Variants in CDH23 observed in about 807,000 individuals in gnomAD.
CDH23 encodes the protein cadherin related 23, also known as cadherin-23.
In CDH23, 189 loss-of-function variants were observed where a neutral mutation model predicts 317.1. The observed-to-expected ratio is 0.60, with a 90% confidence interval of 0.53 to 0.67. The LOEUF (loss-of-function observed/expected upper bound fraction) is 0.67. Ranked by LOEUF, CDH23 falls within the 30% of genes least tolerant of loss-of-function variation. The probability of loss-of-function intolerance (pLI) is 0.00; values close to 1 mark genes in which losing one functional copy is unlikely to be tolerated. For missense variants in CDH23, 4,401 were observed against 4,592.4 expected, an observed-to-expected ratio of 0.96 and a Z score of 1.20; for synonymous variants, 1,839 against 1,876.8, an observed-to-expected ratio of 0.98 and a Z score of 0.52.
intron 3 of CDH23, among the ~76,000 whole-genome samples, chr10:71,459,015 G>A (rs1342610510): frequency 2.0e-5 from 3 of 151,058 alleles, no homozygotes; most frequent in Non-Finnish European, 4.4e-5. Context: ...TCTCGATCTC[G>A]ACCTTGTGAT....
chr10:71,545,837 C>T (rs1010742534), intron 6 of CDH23, among the ~76,000 whole-genome samples: 8 of 152,138 alleles, frequency 5.3e-5, no homozygotes, highest in Non-Finnish European at 1.0e-4. Flanking sequence ...GTGAAGCACG[C>T]ATTATCTTAG....
chr10:71,473,132 A>G (rs1041420034), intron 3 of CDH23, among the ~76,000 whole-genome samples: 4 of 152,276 alleles, frequency 2.6e-5, no homozygotes, highest in Admixed American at 6.5e-5. Flanking sequence ...TGGCAATAGC[A>G]CAGTCAAGGT....
At chr10:71,416,300 C>T (rs58290874) in intron 1 of CDH23, among the ~76,000 whole-genome samples, 1,730 of 152,306 alleles carry the variant, frequency 0.011, 31 homozygotes, top group African/African-American at 0.039. Context: ...GCTGGGATTA[C>T]AGGCATAAGC....
At chr10:71,515,008 C>T (rs1854206707) in intron 6 of CDH23, among the ~76,000 whole-genome samples, 1 of 152,222 alleles carries the variant, frequency 6.6e-6, no homozygotes, top group Admixed American at 6.5e-5. Context: ...CAGCACTGCC[C>T]CCTCCCTGCT....
intron 6 of CDH23, among the ~76,000 whole-genome samples, chr10:71,553,428 G>A (rs16929042): frequency 0.05 from 7,621 of 152,158 alleles, 401 homozygotes; most frequent in African/African-American, 0.13. Flanking sequence ...ACATCACACC[G>A]CCTGAAGGGC....
intron 38 of CDH23, among the ~76,000 whole-genome samples, chr10:71,759,818 T>TACACACACACAC (rs1487599802): frequency 0.11 from 5,780 of 50,384 alleles, 1,051 homozygotes; most frequent in East Asian, 0.21. Flanking sequence ...TTTCAGAAAA[T>TACACACACACAC]ATACACACAC....
intron 1 of CDH23, among the ~76,000 whole-genome samples, chr10:71,435,483 C>A (rs1333193651): frequency 6.6e-6 from 1 of 152,230 alleles, no homozygotes; most frequent in East Asian, 1.9e-4. Flanking sequence ...AAATTGGAGT[C>A]TGAGGGCTTT....
chr10:71,803,515 A>T lies in CDH23; in HGVS notation c.7872+95A>T, dbSNP rs186188146. On this transcript the variant is annotated intron_variant, in intron 55 of 69. Transcript: ENST00000224721. Reference sequence around the variant, plus strand: ...AGCACCCCACTCTAAAGGTGGGGAAACTTGGCTTCAGGAAAGTAGCTCCAG... The same window carrying T: ...AGCACCCCACTCTAAAGGTGGGGAATCTTGGCTTCAGGAAAGTAGCTCCAG... The T allele has an allele frequency of 3.9e-5, 46 of 1,171,074 alleles. No individual in the cohort carries two copies. In the East Asian group the frequency reaches 1.0e-3, roughly 26 times the overall value. 72.5% of individuals were successfully genotyped at this position (1,171,074 alleles called of 1,614,324 possible).
intron 11 of CDH23, among the ~76,000 whole-genome samples, chr10:71,643,566 C>CA (rs72512891): frequency 4.2e-4 from 63 of 151,782 alleles, no homozygotes; most frequent in African/African-American, 1.1e-3. Flanking sequence ...CTTGCCCCCC[C>CA]CTCACCTCCT....
At chr10:71,652,753 C>CA (rs1318928969) in intron 14 of CDH23, among the ~76,000 whole-genome samples, 3 of 152,222 alleles carry the variant, frequency 2.0e-5, no homozygotes, top group Non-Finnish European at 4.4e-5. Flanking sequence ...GCTGAGCCTC[C>CA]AGGGAGCACG....
At chr10:71,812,326 G>A (rs781591306) in intron 66 of CDH23, 154 bp from the exon 67 acceptor site, 43 of 1,598,762 alleles carry the variant, frequency 2.7e-5, no homozygotes, top group South Asian at 1.0e-4. Context: ...CCTATGGTGG[G>A]AGCATGCACC....
At chr10:71,446,734 A>G (rs1304476758) in intron 3 of CDH23, among the ~76,000 whole-genome samples, 1 of 152,072 alleles carries the variant, frequency 6.6e-6, no homozygotes, top group Non-Finnish European at 1.5e-5. Context: ...ATTTTCTGTG[A>G]TTACTAAGTT....
At chr10:71,606,416 G>T (rs546068133) in intron 9 of CDH23, among the ~76,000 whole-genome samples, 1 of 152,148 alleles carries the variant, frequency 6.6e-6, no homozygotes, top group African/African-American at 2.4e-5. Context: ...ATCCCTCCTC[G>T]TGGGCCCTAG....
intron 45 of CDH23, among the ~76,000 whole-genome samples, chr10:71,789,484 C>A (rs772606405): frequency 2.0e-5 from 3 of 152,098 alleles, no homozygotes; most frequent in African/African-American, 4.8e-5. Context: ...GCCCTCTCCC[C>A]ACACACATGC....
chr10:71,815,901 T>A lies in CDH23; in HGVS notation c.*623T>A, dbSNP rs1308428807. 1 of 157,580 alleles carries A rather than the reference T, an allele frequency of 6.3e-6. No homozygotes were observed. The highest frequency in any genetic ancestry group is 1.4e-5 in the Non-Finnish European group (1 of 70,888). The allele number at this position is 157,580 out of a possible 1,614,324, so 9.8% of individuals were successfully genotyped here. On this transcript the variant is annotated 3_prime_UTR_variant, in exon 70 of 70. Transcript: ENST00000224721. ...CTGATGTTCCCTCCGGTTTTGAATGTGGAGTGTTTGTGTGTGTTCCTTTTT... is the reference window on the plus strand; with the variant it reads ...CTGATGTTCCCTCCGGTTTTGAATGAGGAGTGTTTGTGTGTGTTCCTTTTT...
chr10:71,744,849 C>T (rs959519164), intron 38 of CDH23, among the ~76,000 whole-genome samples: 10 of 152,134 alleles, frequency 6.6e-5, no homozygotes, highest in South Asian at 6.2e-4. Flanking sequence ...TCTTCCAGAC[C>T]GTAATATAAA....
At chr10:71,753,075 G>T (rs1840046944) in intron 38 of CDH23, 1 of 1,556,836 alleles carries the variant, frequency 6.4e-7, no homozygotes, top group African/African-American at 1.4e-5. Context: ...GCCCCTGCTG[G>T]CAGATGCCCT....
intron 3 of CDH23, among the ~76,000 whole-genome samples, chr10:71,454,206 T>C (rs1013738434): frequency 2.0e-5 from 3 of 152,220 alleles, no homozygotes; most frequent in Non-Finnish European, 4.4e-5. Context: ...TTACTAGCAG[T>C]GTACCTCACT....
intron 9 of CDH23, among the ~76,000 whole-genome samples, chr10:71,579,675 G>A (rs2132407141): frequency 6.6e-6 from 1 of 152,296 alleles, no homozygotes; most frequent in South Asian, 2.1e-4. Flanking sequence ...GCCAGGCCCA[G>A]GAAGGAAACT....
Sources: allele counts gnomAD v4.1 joint callset (sites outside exome capture counted in the v4.1 genomes callset), GRCh38; gene constraint gnomAD v4.1.1; transcripts MANE v1.5; gene names NCBI Gene and HGNC (gene_info 2026-07-23, HGNC 2026-07-21).